Variants in SLC8A1 observed in about 807,000 individuals in gnomAD.
SLC8A1 encodes solute carrier family 8 member A1.
SLC8A1 carries 18 observed loss-of-function variants against 68.3 expected under a neutral mutation model. The ratio of observed to expected loss-of-function variants is 0.26; its 90% CI spans 0.18 to 0.39. The LOEUF (loss-of-function observed/expected upper bound fraction) is 0.39, where lower values mean the gene tolerates loss of function less well. Among genes scored for constraint, SLC8A1 ranks in the 10% least tolerant of loss-of-function variants. The probability of loss-of-function intolerance (pLI) is 1.00; values close to 1 mark genes in which losing one functional copy is unlikely to be tolerated. For missense variants in SLC8A1, 985 were observed against 1,156.7 expected, an observed-to-expected ratio of 0.85 and a Z score of 2.15; for synonymous variants, 475 against 415.5, an observed-to-expected ratio of 1.14 and a Z score of -1.74.
chr2:40,397,648 T>G (rs1214501085), intron 2 of SLC8A1, among the ~76,000 whole-genome samples: 1 of 152,154 alleles, frequency 6.6e-6, no homozygotes, highest in Non-Finnish European at 1.5e-5. Flanking sequence ...ATATGTATAG[T>G]TTCATAAATG....
chr2:40,505,850 A>T (rs1160131473), intron 1 of SLC8A1, among the ~76,000 whole-genome samples: 1 of 152,002 alleles, frequency 6.6e-6, no homozygotes, highest in African/African-American at 2.4e-5. Context: ...CTTGTCCCAG[A>T]TGTTAAAACC....
chr2:40,155,053 G>C (rs1334586128), intron 6 of SLC8A1, among the ~76,000 whole-genome samples: 1 of 152,062 alleles, frequency 6.6e-6, no homozygotes, highest in Non-Finnish European at 1.5e-5. Flanking sequence ...AATCCCATTG[G>C]TAACACCCTC....
intron 2 of SLC8A1, among the ~76,000 whole-genome samples, chr2:40,296,372 T>C (rs1644936405): frequency 6.6e-6 from 1 of 152,184 alleles, no homozygotes; most frequent in Non-Finnish European, 1.5e-5. Flanking sequence ...ATTCATTATT[T>C]AATGTACAAA....
At chr2:40,297,664 T>A (rs765097801) in intron 2 of SLC8A1, among the ~76,000 whole-genome samples, 1 of 152,330 alleles carries the variant, frequency 6.6e-6, no homozygotes, top group East Asian at 1.9e-4. Context: ...AACAATGCAA[T>A]TGAATTTTTC....
At chr2:40,304,385 G>A (rs1031535730) in intron 2 of SLC8A1, among the ~76,000 whole-genome samples, 1 of 152,080 alleles carries the variant, frequency 6.6e-6, no homozygotes, top group African/African-American at 2.4e-5. Context: ...AGGCATTTCT[G>A]GAATCCCTAT....
At chr2:40,117,513 C>T (rs1427672031) in intron 7 of SLC8A1, among the ~76,000 whole-genome samples, 1 of 149,674 alleles carries the variant, frequency 6.7e-6, no homozygotes, top group Non-Finnish European at 1.5e-5. Context: ...TGCAATGACC[C>T]GTGACCATGC....
At chr2:40,473,439 A>G (rs1704109203) in intron 1 of SLC8A1, among the ~76,000 whole-genome samples, 1 of 151,844 alleles carries the variant, frequency 6.6e-6, no homozygotes, top group Non-Finnish European at 1.5e-5. Context: ...CCCCTACTTG[A>G]TTTTTCTCCA....
chr2:40,394,694 G>GTGCCTGTTGCCATA (rs1460363988), intron 2 of SLC8A1, among the ~76,000 whole-genome samples: 6 of 151,914 alleles, frequency 3.9e-5, no homozygotes, highest in Admixed American at 1.3e-4. Context: ...CATGTATAGA[G>GTGCCTGTTGCCATA]TGCCTGTTGC....
At chr2:40,135,494 G>A (rs1268389099) in intron 7 of SLC8A1, among the ~76,000 whole-genome samples, 2 of 152,058 alleles carry the variant, frequency 1.3e-5, no homozygotes, top group Non-Finnish European at 2.9e-5. Context: ...GTGGCAGGGG[G>A]ATCACCTAAG....
chr2:40,350,001 T>G (rs1440460031), intron 2 of SLC8A1, among the ~76,000 whole-genome samples: 1 of 152,136 alleles, frequency 6.6e-6, no homozygotes, highest in African/African-American at 2.4e-5. Context: ...AAATCAGAGA[T>G]TAGAATTTCT....
intron 2 of SLC8A1, among the ~76,000 whole-genome samples, chr2:40,407,900 T>A (rs1455476658): frequency 6.6e-6 from 1 of 152,198 alleles, no homozygotes; most frequent in Non-Finnish European, 1.5e-5. Flanking sequence ...CTGAGGTGAC[T>A]TTTCTATCCT....
At chr2:40,124,570 C>T (rs770560414) in intron 7 of SLC8A1, among the ~76,000 whole-genome samples, 1 of 152,112 alleles carries the variant, frequency 6.6e-6, no homozygotes, top group African/African-American at 2.4e-5. Context: ...TAACTCATTC[C>T]TACAGATTAG....
chr2:40,283,138 A>C (rs920934247), intron 2 of SLC8A1, among the ~76,000 whole-genome samples: 2 of 152,164 alleles, frequency 1.3e-5, no homozygotes, highest in African/African-American at 4.8e-5. Flanking sequence ...CAACTAGTCC[A>C]CTCTGTTAAA....
chr2:40,238,446 G>GC (rs66523607), intron 2 of SLC8A1, among the ~76,000 whole-genome samples: 152,183 of 152,184 alleles, frequency 1, 76,091 homozygotes, highest in Middle Eastern at 1. Context: ...GTGAGGCAAT[G>GC]CTCGCCCTGC....
At chr2:40,374,307 T>C (rs899728931) in intron 2 of SLC8A1, among the ~76,000 whole-genome samples, 1 of 151,816 alleles carries the variant, frequency 6.6e-6, no homozygotes, top group Admixed American at 6.6e-5. Context: ...AGCCCAGGAG[T>C]TCCAGACCAG....
chr2:40,282,324 T>TA (rs1559083326), intron 2 of SLC8A1, among the ~76,000 whole-genome samples: 1 of 152,006 alleles, frequency 6.6e-6, no homozygotes, highest in Admixed American at 6.6e-5. Flanking sequence ...CAAAACACAA[T>TA]AAAAAGAATG....
intron 2 of SLC8A1, among the ~76,000 whole-genome samples, chr2:40,388,432 G>C (rs1025155118): frequency 1.3e-5 from 2 of 152,090 alleles, no homozygotes; most frequent in African/African-American, 4.8e-5. Context: ...ACTAATGATA[G>C]AGAAAATACT....
chr2:40,242,910 C>G (rs946399907), intron 2 of SLC8A1, among the ~76,000 whole-genome samples: 2 of 152,108 alleles, frequency 1.3e-5, no homozygotes, highest in Admixed American at 1.3e-4. Context: ...TTTATAAAAG[C>G]AAAGTTAATG....
intron 4 of SLC8A1, among the ~76,000 whole-genome samples, chr2:40,171,596 C>G (rs895881262): frequency 6.6e-6 from 1 of 152,112 alleles, no homozygotes; most frequent in Admixed American, 6.5e-5. Context: ...TGTATAATTT[C>G]AAGATGCAGG....
Sources: gnomAD v4.1 joint callset for allele counts (sites outside exome capture counted in the v4.1 genomes callset) on GRCh38, gnomAD v4.1.1 for gene constraint, MANE v1.5 for transcripts, NCBI Gene and HGNC (gene_info 2026-07-23, HGNC 2026-07-21) for gene names.